The following ANKRD50 variants were observed in gnomAD, a reference collection of about 807,000 sequenced individuals.
ANKRD50 encodes ankyrin repeat domain-containing protein 50.
In ANKRD50, 40 loss-of-function variants were observed where a neutral mutation model predicts 112.0. The observed-to-expected ratio is 0.36, with a 90% CI of 0.28 to 0.46. ANKRD50 has a LOEUF of 0.46. ANKRD50 is among the 20% of genes least tolerant of loss of function. ANKRD50 has a pLI of 1.00. For synonymous variants in ANKRD50, 613 were observed against 619.1 expected, an observed-to-expected ratio of 0.99 and a Z score of 0.15; for missense variants, 1,487 against 1,701.7, an observed-to-expected ratio of 0.87 and a Z score of 2.22.
chr4:124,696,714 C>T (rs1725261787), intron 2 of ANKRD50, among the ~76,000 whole-genome samples: 1 of 151,870 alleles, frequency 6.6e-6, no homozygotes, highest in African/African-American at 2.4e-5. Context: ...AAAACAATGC[C>T]ATTAAGTTTT....
intron 2 of ANKRD50, among the ~76,000 whole-genome samples, chr4:124,688,785 T>C (rs1054736134): frequency 7.9e-5 from 12 of 152,176 alleles, no homozygotes; most frequent in African/African-American, 1.2e-4. Flanking sequence ...AATCAAACTA[T>C]AGGATTCTGT....
intron 3 of ANKRD50, among the ~76,000 whole-genome samples, chr4:124,675,451 T>C (rs1730753141): frequency 2.6e-5 from 4 of 151,876 alleles, no homozygotes; most frequent in South Asian, 2.1e-4. Context: ...ATAAAATATG[T>C]AGGCATTAAA....
chr4:124,675,551 T>C (rs2110511131), intron 3 of ANKRD50, among the ~76,000 whole-genome samples: 1 of 151,860 alleles, frequency 6.6e-6, no homozygotes, highest in East Asian at 1.9e-4. Flanking sequence ...TATAGCATGA[T>C]CTCAACTAGG....
chr4:124,686,424 C>T (rs1725008652), intron 2 of ANKRD50, among the ~76,000 whole-genome samples: 1 of 152,124 alleles, frequency 6.6e-6, no homozygotes, highest in Non-Finnish European at 1.5e-5. Flanking sequence ...TGCCTTTTCT[C>T]TACTGACCCC....
intron 2 of ANKRD50, among the ~76,000 whole-genome samples, chr4:124,706,292 G>A (rs1417613192): frequency 6.6e-6 from 1 of 151,980 alleles, no homozygotes; most frequent in Non-Finnish European, 1.5e-5. Context: ...ACAAATAAAT[G>A]AATGTCAGAA....
intron 2 of ANKRD50, among the ~76,000 whole-genome samples, chr4:124,701,635 T>A (rs980291175): frequency 1.3e-5 from 2 of 152,004 alleles, no homozygotes; most frequent in Non-Finnish European, 2.9e-5. Flanking sequence ...AAGACACTAG[T>A]AAAACAACTA....
At chr4:124,686,428 T>C in intron 2 of ANKRD50, among the ~76,000 whole-genome samples, 1 of 152,168 alleles carries the variant, frequency 6.6e-6, no homozygotes, top group Non-Finnish European at 1.5e-5. Flanking sequence ...TTTTCTCTAC[T>C]GACCCCTTAG....
At chr4:124,677,417 A>G (rs1730797788) in intron 3 of ANKRD50, among the ~76,000 whole-genome samples, 1 of 151,866 alleles carries the variant, frequency 6.6e-6, no homozygotes, top group African/African-American at 2.4e-5. Context: ...ATAAAAAGAG[A>G]TTTATTGATG....
At chr4:124,679,524 C>T (rs886829208) in intron 2 of ANKRD50, among the ~76,000 whole-genome samples, 1 of 152,110 alleles carries the variant, frequency 6.6e-6, no homozygotes, top group Non-Finnish European at 1.5e-5. Flanking sequence ...ATTTCTTATG[C>T]GTGTAACTTA....
chr4:124,696,987 C>G (rs1386743927), intron 2 of ANKRD50, among the ~76,000 whole-genome samples: 1 of 152,114 alleles, frequency 6.6e-6, no homozygotes, highest in Non-Finnish European at 1.5e-5. Context: ...CAAATCAAAT[C>G]CAAGCACCAC....
chr4:124,700,513 T>C (rs901350153), intron 2 of ANKRD50, among the ~76,000 whole-genome samples: 2 of 152,212 alleles, frequency 1.3e-5, no homozygotes, highest in Non-Finnish European at 2.9e-5. Flanking sequence ...TGGAGGTATT[T>C]GTTTTATCTT....
At position 124,671,135 on chromosome 4, in the gene ANKRD50, G is replaced by A. The variant is rs574151298; in HGVS notation, c.2142C>T (p.Leu714=). The change falls in exon 4 of 5, where the codon CTC becomes CTT. Residue 714 remains leucine (L), a synonymous_variant. Coordinates refer to ENST00000504087, the MANE Select transcript of ANKRD50 (RefSeq NM_020337.3). ...NHEDVDGRTA[L]SVAALCVPAS... is the part of the protein sequence containing the mutation. ...CAGGCACACAAAGTGCAGCTACAGAGAGTGCAGTCCTGCCATCAACATCCT... is the reference window on the plus strand; with the variant it reads ...CAGGCACACAAAGTGCAGCTACAGAAAGTGCAGTCCTGCCATCAACATCCT... 9.9e-6 allele frequency: 16 copies of A among 1,613,806 alleles called. No individual in the cohort carries two copies. The highest frequency in any genetic ancestry group is 6.7e-5 in the East Asian group (3 of 44,852).
chr4:124,701,337 A>G (rs1437461918), intron 2 of ANKRD50, among the ~76,000 whole-genome samples: 2 of 152,188 alleles, frequency 1.3e-5, no homozygotes, highest in African/African-American at 4.8e-5. Context: ...TGGAGGTACA[A>G]AGAATAGAGA....
At chr4:124,676,198 T>C (rs1730770281) in intron 3 of ANKRD50, among the ~76,000 whole-genome samples, 1 of 151,646 alleles carries the variant, frequency 6.6e-6, no homozygotes, top group South Asian at 2.1e-4. Flanking sequence ...TGTTTATGAG[T>C]AGAAAGAAAG....
At chr4:124,673,227 AT>A (rs1730700260) in intron 3 of ANKRD50, among the ~76,000 whole-genome samples, 1 of 152,130 alleles carries the variant, frequency 6.6e-6, no homozygotes, top group South Asian at 2.1e-4. Flanking sequence ...TTTTAAACTC[AT>A]TTTAAGTTCT....
chr4:124,707,378 A>T (rs1223378626), intron 2 of ANKRD50, among the ~76,000 whole-genome samples: 2 of 152,080 alleles, frequency 1.3e-5, no homozygotes, highest in African/African-American at 4.8e-5. Context: ...TAAAATCTTG[A>T]ATTATTTGTC....
At chr4:124,689,011 G>A (rs1329319561) in intron 2 of ANKRD50, among the ~76,000 whole-genome samples, 2 of 151,976 alleles carry the variant, frequency 1.3e-5, no homozygotes, top group African/African-American at 2.4e-5. Flanking sequence ...TTTCTCACCC[G>A]ACAACCCAAA....
chr4:124,685,882 T>C (rs1445193931), intron 2 of ANKRD50, among the ~76,000 whole-genome samples: 1 of 152,168 alleles, frequency 6.6e-6, no homozygotes, highest in African/African-American at 2.4e-5. Flanking sequence ...TTAATTTTTT[T>C]AAAAAGTGAC....
intron 2 of ANKRD50, among the ~76,000 whole-genome samples, chr4:124,703,854 G>C (rs1218965996): frequency 2.0e-5 from 3 of 152,120 alleles, no homozygotes; most frequent in Non-Finnish European, 2.9e-5. Flanking sequence ...TAACTTCAAA[G>C]TTCTAAGTAT....
Sources: allele counts gnomAD v4.1 joint callset (sites outside exome capture counted in the v4.1 genomes callset), GRCh38; gene constraint gnomAD v4.1.1; transcripts MANE v1.5; gene names NCBI Gene and HGNC (gene_info 2026-07-23, HGNC 2026-07-21).